Variants in CNTN3 observed in about 807,000 individuals in gnomAD.
CNTN3 encodes the protein contactin 3.
Under a neutral mutation model 119.1 loss-of-function variants are expected in CNTN3, and 60 were observed. The observed-to-expected ratio is 0.50, with a 90% CI of 0.41 to 0.62. The LOEUF (loss-of-function observed/expected upper bound fraction) is 0.62, where lower values mean the gene tolerates loss of function less well. Among genes scored for constraint, CNTN3 ranks in the 20% least tolerant of loss-of-function variants. CNTN3 has a pLI of 0.00. For missense variants in CNTN3, 1,101 were observed against 1,242.4 expected (o/e 0.89, Z 1.71); for synonymous variants, 450 against 438.7 (o/e 1.03, Z -0.32).
chr3:74,318,612 C>A (rs372961885), intron 13 of CNTN3, among the ~76,000 whole-genome samples: 3 of 152,034 alleles, frequency 2.0e-5, no homozygotes, highest in Non-Finnish European at 4.4e-5. Flanking sequence ...CACTCCAGAC[C>A]CTGTTTGCCT....
In CNTN3 at chr3:74,591,614, G is replaced by A. The variant is rs545190307; in HGVS notation, c.-81+22777C>T. ...AAACAGCTGGCAAGATGGAGCTGAGGAAAAATGCAAAGAAGACTCCATCGA... is the reference window on the plus strand; with the variant it reads ...AAACAGCTGGCAAGATGGAGCTGAGAAAAAATGCAAAGAAGACTCCATCGA... On this transcript the variant is annotated intron_variant, in intron 1 of 22. Coordinates refer to ENST00000263665, the MANE Select transcript of CNTN3 (RefSeq NM_020872.3). Among the ~76,000 whole-genome samples, 4 of 151,844 alleles carry A rather than the reference G, an allele frequency of 2.6e-5. No homozygotes were observed. The East Asian group carries it at 7.8e-4, about 30-fold the overall frequency.
intron 5 of CNTN3, among the ~76,000 whole-genome samples, chr3:74,396,746 G>GA (rs61397069): frequency 0.42 from 41,463 of 98,700 alleles, 8,800 homozygotes; most frequent in Middle Eastern, 0.49. Flanking sequence ...TTCCGCCTCA[G>GA]AAAAAAAAAA....
chr3:74,599,639 G>A (rs1372980984), intron 1 of CNTN3, among the ~76,000 whole-genome samples: 1 of 152,026 alleles, frequency 6.6e-6, no homozygotes, highest in Non-Finnish European at 1.5e-5. Context: ...CAGAGCTCAG[G>A]CAGTGATAGG....
At chr3:74,367,855 C>T (rs550246101) in intron 8 of CNTN3, among the ~76,000 whole-genome samples, 16 of 152,088 alleles carry the variant, frequency 1.1e-4, no homozygotes, top group East Asian at 3.9e-4. Context: ...CCGGTGTGTT[C>T]CCATAATGGT....
At chr3:74,364,396 T>C (rs776511238) in intron 10 of CNTN3, 71 bp downstream of exon 10, 2 of 1,447,362 alleles carry the variant, frequency 1.4e-6, no homozygotes, top group South Asian at 1.2e-5. Flanking sequence ...AAAGTAAATA[T>C]TACTGCTTCT....
chr3:74,417,946 C>A (rs766752465), intron 5 of CNTN3, among the ~76,000 whole-genome samples: 9 of 152,154 alleles, frequency 5.9e-5, no homozygotes, highest in Non-Finnish European at 1.2e-4. Flanking sequence ...TCTAACCTAT[C>A]CCCAGGATAG....
intron 4 of CNTN3, among the ~76,000 whole-genome samples, chr3:74,476,793 A>C (rs1702663917): frequency 6.6e-6 from 1 of 152,148 alleles, no homozygotes; most frequent in Non-Finnish European, 1.5e-5. Flanking sequence ...TTAAAATTAA[A>C]ACCTCAAAGG....
At chr3:74,353,983 A>C (rs1237217542) in intron 11 of CNTN3, among the ~76,000 whole-genome samples, 1 of 152,008 alleles carries the variant, frequency 6.6e-6, no homozygotes, top group African/African-American at 2.4e-5. Context: ...AGCAGTGATC[A>C]CTATTTTTTT....
At chr3:74,592,000 A>G (rs1021678738) in intron 1 of CNTN3, among the ~76,000 whole-genome samples, 1 of 151,944 alleles carries the variant, frequency 6.6e-6, no homozygotes, top group Non-Finnish European at 1.5e-5. Flanking sequence ...TCTACCAGCA[A>G]GCAAGGGAAG....
At chr3:74,335,486 T>A (rs1467128247) in intron 12 of CNTN3, among the ~76,000 whole-genome samples, 1 of 152,148 alleles carries the variant, frequency 6.6e-6, no homozygotes, top group Non-Finnish European at 1.5e-5. Flanking sequence ...CATTTGTCTA[T>A]CATGAATTAA....
chr3:74,597,279 A>G (rs1704828948), intron 1 of CNTN3, among the ~76,000 whole-genome samples: 1 of 152,088 alleles, frequency 6.6e-6, no homozygotes, highest in Non-Finnish European at 1.5e-5. Context: ...TGATTTCGTT[A>G]GCTATTAAAC....
chr3:74,309,871 A>G (rs113086015), intron 13 of CNTN3, among the ~76,000 whole-genome samples: 1,917 of 152,328 alleles, frequency 0.013, 36 homozygotes, highest in African/African-American at 0.042. Flanking sequence ...AACAGACACT[A>G]TGTGTCAAGC....
chr3:74,590,005 G>A (rs1228964322), intron 1 of CNTN3, among the ~76,000 whole-genome samples: 3 of 150,292 alleles, frequency 2.0e-5, no homozygotes, highest in African/African-American at 7.4e-5. Flanking sequence ...TATACCTAAT[G>A]CTAAATGACG....
chr3:74,394,186 GTTC>G (rs1704986905), intron 5 of CNTN3, among the ~76,000 whole-genome samples: 3 of 152,086 alleles, frequency 2.0e-5, no homozygotes, highest in Admixed American at 1.3e-4. Context: ...GGACAAAACT[GTTC>G]TTCTTGTTTA....
At chr3:74,487,435 A>G (rs1463703371) in intron 3 of CNTN3, among the ~76,000 whole-genome samples, 1 of 152,222 alleles carries the variant, frequency 6.6e-6, no homozygotes, top group African/African-American at 2.4e-5. Flanking sequence ...CCCAATTTTT[A>G]TAATAAAATT....
intron 5 of CNTN3, among the ~76,000 whole-genome samples, chr3:74,395,635 A>C (rs1391902887): frequency 6.6e-6 from 1 of 152,156 alleles, no homozygotes; most frequent in East Asian, 1.9e-4. Context: ...AATACTCCTT[A>C]TTTCACAGGG....
intron 1 of CNTN3, among the ~76,000 whole-genome samples, chr3:74,598,266 A>G (rs1432929480): frequency 6.6e-6 from 1 of 152,030 alleles, no homozygotes; most frequent in Non-Finnish European, 1.5e-5. Flanking sequence ...CTGGATGATG[A>G]TAAGTGAGAG....
intron 11 of CNTN3, among the ~76,000 whole-genome samples, chr3:74,339,197 C>T (rs942138344): frequency 2.0e-5 from 3 of 151,962 alleles, no homozygotes; most frequent in African/African-American, 7.3e-5. Flanking sequence ...ATCCTGCCCT[C>T]CTCCCTCCAG....
chr3:74,388,396 T>G (rs535995815), intron 5 of CNTN3, among the ~76,000 whole-genome samples: 1 of 152,116 alleles, frequency 6.6e-6, no homozygotes, highest in Non-Finnish European at 1.5e-5. Flanking sequence ...GATTTTAGAA[T>G]TTCAAGTATT....
Sources: gnomAD v4.1 joint callset for allele counts (sites outside exome capture counted in the v4.1 genomes callset) on GRCh38, gnomAD v4.1.1 for gene constraint, MANE v1.5 for transcripts, NCBI Gene and HGNC (gene_info 2026-07-23, HGNC 2026-07-21) for gene names.